PRKCE: variants seen among roughly 807,000 people sequenced by gnomAD.
The protein encoded by PRKCE is protein kinase C epsilon type.
Under a neutral mutation model 85.4 loss-of-function variants are expected in PRKCE, and 16 were observed. The observed-to-expected ratio is 0.19, with a 90% CI of 0.13 to 0.28. The LOEUF (loss-of-function observed/expected upper bound fraction) is 0.28. PRKCE is among the 10% of genes least tolerant of loss of function. PRKCE has a pLI of 1.00. For synonymous variants in PRKCE, 388 were observed against 371.5 expected (o/e 1.04, Z -0.51); for missense variants, 573 against 975.2 (o/e 0.59, Z 5.49).
chr2:45,708,256 A>G (rs1487187088), intron 1 of PRKCE, among the ~76,000 whole-genome samples: 3 of 152,234 alleles, frequency 2.0e-5, no homozygotes, highest in African/African-American at 4.8e-5. Context: ...CAGTTGTAGC[A>G]GAGATGGCTT....
At chr2:45,708,623 CTCTT>C (rs1679332994) in intron 1 of PRKCE, among the ~76,000 whole-genome samples, 1 of 152,192 alleles carries the variant, frequency 6.6e-6, no homozygotes, top group Admixed American at 6.5e-5. Flanking sequence ...TCCATTAAAC[CTCTT>C]TCTTTTGTTA....
chr2:45,856,897 G>A (rs1467868323), intron 2 of PRKCE, among the ~76,000 whole-genome samples: 1 of 152,172 alleles, frequency 6.6e-6, no homozygotes, highest in Non-Finnish European at 1.5e-5. Flanking sequence ...TATGTTTTAT[G>A]GCTGAATAAT....
intron 1 of PRKCE, among the ~76,000 whole-genome samples, chr2:45,779,458 T>C (rs1686011402): frequency 6.6e-6 from 1 of 152,000 alleles, no homozygotes; most frequent in African/African-American, 2.4e-5. Context: ...GTGTTGTGGG[T>C]TGAGGGGTCT....
rs144008661 is a variant in PRKCE, at chr2:46,080,571, C to T, written c.1438-5637C>T. Reference sequence around the variant, plus strand: ...TTGACGCAGACATAATAGGAACCCACTATATGCCTGGCTCAGTTCTAGTTG... The same window carrying T: ...TTGACGCAGACATAATAGGAACCCATTATATGCCTGGCTCAGTTCTAGTTG... On this transcript the variant is annotated intron_variant, in intron 10 of 14. Coordinates refer to ENST00000306156, the MANE Select transcript of PRKCE (RefSeq NM_005400.3). Among the ~76,000 whole-genome samples, 296 of 152,332 alleles carry T rather than the reference C, an allele frequency of 1.9e-3. 1 individual carries two copies. The highest frequency in any genetic ancestry group is 4.1e-3 in the Admixed American group (63 of 15,304).
intron 10 of PRKCE, among the ~76,000 whole-genome samples, chr2:46,037,215 C>T (rs1490519931): frequency 6.6e-6 from 1 of 152,214 alleles, no homozygotes; most frequent in Non-Finnish European, 1.5e-5. Context: ...CTTTCTGGAA[C>T]CACTGGAATC....
intron 1 of PRKCE, among the ~76,000 whole-genome samples, chr2:45,778,583 G>C (rs1488036861): frequency 6.6e-6 from 1 of 152,026 alleles, no homozygotes; most frequent in Non-Finnish European, 1.5e-5. Flanking sequence ...AGACACTAAG[G>C]GCTCCTCATG....
At chr2:45,868,187 C>T (rs1369859934) in intron 2 of PRKCE, among the ~76,000 whole-genome samples, 1 of 148,294 alleles carries the variant, frequency 6.7e-6, no homozygotes, top group Non-Finnish European at 1.5e-5. Flanking sequence ...ACACCCATGC[C>T]TGGTCTGGTT....
chr2:45,760,282 A>G (rs973283009), intron 1 of PRKCE, among the ~76,000 whole-genome samples: 1 of 152,200 alleles, frequency 6.6e-6, no homozygotes, highest in Non-Finnish European at 1.5e-5. Flanking sequence ...CCACAGAAAG[A>G]AAGAAAGTGG....
intron 1 of PRKCE, among the ~76,000 whole-genome samples, chr2:45,747,435 C>T (rs897666448): frequency 6.6e-6 from 1 of 152,232 alleles, no homozygotes; most frequent in Non-Finnish European, 1.5e-5. Flanking sequence ...ACTCTAGCTA[C>T]CTCACATAAG....
At chr2:45,842,379 C>T (rs527728023) in intron 1 of PRKCE, among the ~76,000 whole-genome samples, 1 of 152,120 alleles carries the variant, frequency 6.6e-6, no homozygotes, top group South Asian at 2.1e-4. Flanking sequence ...CAGCATTGTT[C>T]CCCATTTTTT....
rs1680494672 is a variant in PRKCE at position 46,187,013 on chromosome 2, C to A, written c.*2132C>A. 4 of 152,340 alleles carry A rather than the reference C, an allele frequency of 2.6e-5. No individual in the cohort carries two copies. Among genetic ancestry groups the A allele is most frequent in the African/African-American group, 9.7e-5 (4 of 41,258 alleles). The allele number at this position is 152,340 out of a possible 1,614,324, so 9.4% of individuals were successfully genotyped here. ...GGTAACTTGACATTCTGGAGAGAGACTATCTTCTGGAGTTGAGTACAAGCA... is the reference window on the plus strand; with the variant it reads ...GGTAACTTGACATTCTGGAGAGAGAATATCTTCTGGAGTTGAGTACAAGCA... On this transcript the variant is annotated 3_prime_UTR_variant, in exon 15 of 15. Coordinates refer to ENST00000306156, the MANE Select transcript of PRKCE (RefSeq NM_005400.3).
intron 6 of PRKCE, among the ~76,000 whole-genome samples, chr2:45,994,302 G>T (rs757498747): frequency 1.3e-5 from 2 of 152,040 alleles, no homozygotes; most frequent in Non-Finnish European, 2.9e-5. Context: ...CATCATCAAA[G>T]TCCATAGTTT....
At chr2:45,671,936 A>G (rs1237118612) in intron 1 of PRKCE, among the ~76,000 whole-genome samples, 2 of 151,918 alleles carry the variant, frequency 1.3e-5, no homozygotes, top group African/African-American at 4.8e-5. Flanking sequence ...GACGGCATGC[A>G]CCTGTGGCCC....
chr2:45,931,735 C>G (rs1056939446), intron 2 of PRKCE, among the ~76,000 whole-genome samples: 1 of 151,908 alleles, frequency 6.6e-6, no homozygotes, highest in Non-Finnish European at 1.5e-5. Flanking sequence ...GAGAGAGAGT[C>G]TTGCTCTGCC....
intron 2 of PRKCE, among the ~76,000 whole-genome samples, chr2:45,908,077 G>A (rs947293525): frequency 6.6e-6 from 1 of 152,120 alleles, no homozygotes; most frequent in Non-Finnish European, 1.5e-5. Context: ...GTTAATGGAT[G>A]GGCAGGAATG....
At chr2:45,736,706 A>T (rs903322885) in intron 1 of PRKCE, among the ~76,000 whole-genome samples, 3 of 152,132 alleles carry the variant, frequency 2.0e-5, no homozygotes, top group Admixed American at 6.5e-5. Context: ...GAAGGGCTGA[A>T]CCTCTTTCCT....
chr2:46,086,920 C>G (rs1448483790), intron 11 of PRKCE, among the ~76,000 whole-genome samples: 1 of 152,058 alleles, frequency 6.6e-6, no homozygotes, highest in African/African-American at 2.4e-5. Flanking sequence ...TTATTACTGC[C>G]CACTCCCCTT....
chr2:45,859,089 T>A (rs138784284), intron 2 of PRKCE, among the ~76,000 whole-genome samples: 168 of 127,650 alleles, frequency 1.3e-3, no homozygotes, highest in Middle Eastern at 4.1e-3. Context: ...AATAAATAAA[T>A]AAAATAGTAT....
intron 1 of PRKCE, among the ~76,000 whole-genome samples, chr2:45,763,106 C>T (rs182044212): frequency 7.2e-5 from 11 of 152,248 alleles, no homozygotes; most frequent in Admixed American, 3.9e-4. Flanking sequence ...AGGCGCCTGC[C>T]ACCACACCCG....
Sources: allele counts gnomAD v4.1 joint callset (sites outside exome capture counted in the v4.1 genomes callset), GRCh38; gene constraint gnomAD v4.1.1; transcripts MANE v1.5; gene names NCBI Gene and HGNC (gene_info 2026-07-23, HGNC 2026-07-21).